The following PLB1 variants were observed in gnomAD, a reference collection of about 807,000 sequenced individuals.
The protein encoded by PLB1 is phospholipase B1.
In PLB1, 242 loss-of-function variants were observed where a neutral mutation model predicts 227.4. The observed-to-expected ratio is 1.06, with a 90% CI of 0.96 to 1.18. PLB1 has a LOEUF of 1.18. Ranked by LOEUF, PLB1 falls within the 50% of genes most tolerant of loss-of-function variation. PLB1 has a pLI of 0.00. For synonymous variants in PLB1, 757 were observed against 682.2 expected (o/e 1.11, Z -1.71); for missense variants, 1,858 against 1,816.3 (o/e 1.02, Z -0.42).
chr2:28,620,305 C>T lies in PLB1; in HGVS notation c.3356C>T (p.Pro1119Leu), dbSNP rs1273738124. ...CGACCAAACAACTCCAGTGACCTAC[C>T]CACATCTTGGAGGGGACTCTCTTGG... ...GARPNNSSDLPTSWRGLSWSI... is the reference protein window; with the variant it reads ...GARPNNSSDLLTSWRGLSWSI... Residue 1119 changes from proline (P) to leucine (L), a missense_variant, in exon 47 of 58, where the codon CCC (proline) becomes CTC (leucine). Transcript: ENST00000327757. 2 of 1,605,908 alleles carry T rather than the reference C, an allele frequency of 1.2e-6. No homozygotes were observed. Among genetic ancestry groups the T allele is most frequent in the South Asian group, 1.1e-5 (1 of 89,834 alleles).
intron 5 of PLB1, 120 bp downstream of exon 5, chr2:28,525,427 A>C (rs1670110627): frequency 9.1e-7 from 1 of 1,101,764 alleles, no homozygotes; most frequent in African/African-American, 1.6e-5. Flanking sequence ...GCTCAAGGCT[A>C]CCCTCTGAGA....
At chr2:28,499,380 G>A (rs1377955781) in intron 1 of PLB1, among the ~76,000 whole-genome samples, 2 of 152,072 alleles carry the variant, frequency 1.3e-5, no homozygotes, top group Non-Finnish European at 2.9e-5. Context: ...TTGTAACAAA[G>A]CAATGGCAAA....
At chr2:28,541,597 G>A (rs942633056) in intron 12 of PLB1, 110 bp from the exon 13 acceptor site, 20 of 748,346 alleles carry the variant, frequency 2.7e-5, no homozygotes, top group Non-Finnish European at 3.5e-5. Flanking sequence ...TGACCACAAC[G>A]CAAGAGGCAG....
chr2:28,585,131 A>G (rs968695006), intron 25 of PLB1, among the ~76,000 whole-genome samples: 11 of 152,182 alleles, frequency 7.2e-5, no homozygotes, highest in Non-Finnish European at 1.2e-4. Flanking sequence ...AGCAATTATT[A>G]TTGTTGTCAC....
chr2:28,626,575 C>T (rs111430335), intron 51 of PLB1, 67 bp downstream of exon 51: 11 of 1,404,742 alleles, frequency 7.8e-6, no homozygotes, highest in African/African-American at 5.6e-5. Flanking sequence ...ACATCCTTGC[C>T]CATCCATCCC....
At chr2:28,591,313 GGGTA>G in intron 30 of PLB1, 142 bp downstream of exon 30, 5 of 1,009,580 alleles carry the variant, frequency 5.0e-6, no homozygotes, top group Non-Finnish European at 7.7e-6. Flanking sequence ...CCTTCAGATG[GGGTA>G]GTGGGCAGAG....
intron 42 of PLB1, 31 bp downstream of exon 42, chr2:28,605,979 G>A (rs561331281): frequency 1.3e-6 from 2 of 1,547,742 alleles, no homozygotes; most frequent in African/African-American, 2.7e-5. Flanking sequence ...CTTGTTCTCT[G>A]GGGTTCTAGT....
intron 35 of PLB1, among the ~76,000 whole-genome samples, chr2:28,599,911 G>A (rs1683593130): frequency 6.6e-6 from 1 of 151,892 alleles, no homozygotes; most frequent in Admixed American, 6.6e-5. Context: ...ACTGCACCTG[G>A]CCTTTTTTTG....
At chr2:28,612,174 C>T (rs376268919) in intron 43 of PLB1, among the ~76,000 whole-genome samples, 14 of 152,146 alleles carry the variant, frequency 9.2e-5, no homozygotes, top group African/African-American at 2.6e-4. Flanking sequence ...GAAAGGATAT[C>T]GGTTACCTGT....
chr2:28,637,280 TA>T (rs1328867836), intron 56 of PLB1, among the ~76,000 whole-genome samples: 1 of 122,668 alleles, frequency 8.2e-6, no homozygotes, highest in Non-Finnish European at 1.7e-5. Flanking sequence ...GTGACAAGAG[TA>T]AAACTCTGTC....
chr2:28,536,735 G>A (rs1214898153), intron 9 of PLB1, among the ~76,000 whole-genome samples: 1 of 152,182 alleles, frequency 6.6e-6, no homozygotes, highest in Non-Finnish European at 1.5e-5. Context: ...GGTTCTAGGA[G>A]TTTATTATGT....
chr2:28,512,701 T>G (rs1668426064), intron 1 of PLB1, among the ~76,000 whole-genome samples: 1 of 151,298 alleles, frequency 6.6e-6, no homozygotes, highest in African/African-American at 2.4e-5. Flanking sequence ...TTTTTTTTTT[T>G]GTTGGCCTGG....
At chr2:28,637,361 C>T (rs1689492253) in intron 56 of PLB1, among the ~76,000 whole-genome samples, 1 of 151,752 alleles carries the variant, frequency 6.6e-6, no homozygotes, top group South Asian at 2.1e-4. Flanking sequence ...GGGCTTATCC[C>T]CAGAGAGTCT....
intron 43 of PLB1, among the ~76,000 whole-genome samples, chr2:28,608,730 A>G (rs937419650): frequency 1.3e-5 from 2 of 151,984 alleles, no homozygotes; most frequent in African/African-American, 4.8e-5. Flanking sequence ...GACCTCTCTG[A>G]AGCCCTTGTC....
rs368178696 is a variant in PLB1 at position 28,539,067 on chromosome 2, A to G, written c.619-32A>G. 2.6e-4 allele frequency: 419 copies of G among 1,582,482 alleles called. 1 individual carries two copies. Among genetic ancestry groups the G allele is most frequent in the Non-Finnish European group, 3.4e-4 (388 of 1,151,232 alleles). ...CCCGGCAGCCATGGCGACTTGGCAA[A>G]TACTCACCTCCCTCTCTGTGTGTCC... On this transcript the variant is annotated intron_variant, in intron 10 of 57. Coordinates refer to ENST00000327757, the MANE Select transcript of PLB1 (RefSeq NM_153021.5).
chr2:28,600,331 A>G (rs553036642), intron 35 of PLB1, among the ~76,000 whole-genome samples: 2 of 152,224 alleles, frequency 1.3e-5, no homozygotes, highest in Non-Finnish European at 2.9e-5. Context: ...AATCGCAGCC[A>G]TTGGAGGAAA....
chr2:28,531,606 C>T (rs1453075180), intron 8 of PLB1, among the ~76,000 whole-genome samples: 1 of 152,226 alleles, frequency 6.6e-6, no homozygotes, highest in Non-Finnish European at 1.5e-5. Context: ...CCACTGCACC[C>T]AGCCAGAGAT....
chr2:28,531,798 C>T (rs1463806176), intron 8 of PLB1, among the ~76,000 whole-genome samples: 1 of 152,132 alleles, frequency 6.6e-6, no homozygotes, highest in Non-Finnish European at 1.5e-5. Flanking sequence ...CATAAGGCTT[C>T]ATCATTGTAG....
intron 20 of PLB1, among the ~76,000 whole-genome samples, chr2:28,567,469 CTTTTT>C (rs57787583): frequency 9.3e-6 from 1 of 108,090 alleles, no homozygotes; most frequent in Admixed American, 1.1e-4. Flanking sequence ...ATTTCTTTCT[CTTTTT>C]TTTTTTTTTT....
Sources: gnomAD v4.1 joint callset for allele counts (sites outside exome capture counted in the v4.1 genomes callset) on GRCh38, gnomAD v4.1.1 for gene constraint, MANE v1.5 for transcripts, NCBI Gene and HGNC (gene_info 2026-07-23, HGNC 2026-07-21) for gene names.